SLC39A10: variants seen among roughly 807,000 people sequenced by gnomAD.
SLC39A10 encodes zinc transporter ZIP10.
SLC39A10 carries 13 observed loss-of-function variants against 65.1 expected under a neutral mutation model. The observed-to-expected ratio is 0.20, with a 90% CI of 0.13 to 0.32. The LOEUF (loss-of-function observed/expected upper bound fraction) is 0.32, where lower values mean the gene tolerates loss of function less well. SLC39A10 is among the 10% of genes least tolerant of loss of function. SLC39A10 has a pLI of 1.00. For missense variants in SLC39A10, 831 were observed against 1,018.4 expected (o/e 0.82, Z 2.50); for synonymous variants, 321 against 342.2 (o/e 0.94, Z 0.68).
chr2:195,644,894 A>ATTTATTTATTTATTTG (rs1354835646), intron 2 of SLC39A10, among the ~76,000 whole-genome samples: 1 of 148,386 alleles, frequency 6.7e-6, no homozygotes, highest in Admixed American at 6.7e-5. Context: ...TAACTACTTT[A>ATTTATTTATTTATTTG]TTTATTTATT....
intron 1 of SLC39A10, chr2:195,670,439 A>AT (rs1166895365): frequency 1.3e-5 from 2 of 151,964 alleles, no homozygotes; most frequent in African/African-American, 2.4e-5. Context: ...TCTTCTCTGT[A>AT]TTTTTTCAAT....
At chr2:195,665,897 G>T (rs532401538) in intron 1 of SLC39A10, among the ~76,000 whole-genome samples, 2 of 152,036 alleles carry the variant, frequency 1.3e-5, no homozygotes, top group African/African-American at 4.8e-5. Flanking sequence ...CAGTTTCTCC[G>T]TACAATTTTC....
intron 1 of SLC39A10, among the ~76,000 whole-genome samples, chr2:195,664,973 A>G (rs915173853): frequency 1.3e-5 from 2 of 152,096 alleles, no homozygotes; most frequent in Admixed American, 6.5e-5. Flanking sequence ...ACTTAAGGCC[A>G]AGAGTTTGAG....
chr2:195,703,469 G>C (rs191794736), intron 3 of SLC39A10, among the ~76,000 whole-genome samples: 211 of 151,900 alleles, frequency 1.4e-3, no homozygotes, highest in Admixed American at 4.3e-3. Context: ...CTAGAATTTA[G>C]GTCTTTTTTT....
chr2:195,624,939 G>C (rs908370857), intron 2 of SLC39A10, among the ~76,000 whole-genome samples: 5 of 144,928 alleles, frequency 3.4e-5, no homozygotes, highest in Admixed American at 2.8e-4. Flanking sequence ...GGGGCCGGGC[G>C]CAGTGACTCA....
rs866838837 is a variant in SLC39A10, at chr2:195,734,159, T to A, written c.2338-724T>A. On this transcript the variant is annotated intron_variant, in intron 9 of 9. Coordinates refer to ENST00000359634, the MANE Select transcript of SLC39A10 (RefSeq NM_020342.3). The stretch of plus-strand genomic sequence containing the variant: ...TCCCAAAAGAATCTTCCTTTTTTTT[T>A]AAAAAAAAAAAAAAAAAAAAAGTTT... Among the ~76,000 whole-genome samples the A allele has an allele frequency of 6.8e-3, 792 of 116,542 alleles. 5 individuals carry two copies. Among genetic ancestry groups the A allele is most frequent in the South Asian group, 0.044 (153 of 3,504 alleles). The allele number at this position is 116,542 out of a possible 152,430, so 76.5% of individuals were successfully genotyped here. A position where few individuals can be genotyped will look rare whatever the true frequency, so the allele number is the denominator to read the frequency against.
At chr2:195,620,077 C>T (rs1229135215) in intron 2 of SLC39A10, among the ~76,000 whole-genome samples, 1 of 152,140 alleles carries the variant, frequency 6.6e-6, no homozygotes, top group African/African-American at 2.4e-5. Context: ...TGCCCACCAC[C>T]ACACCCAGCT....
intron 2 of SLC39A10, among the ~76,000 whole-genome samples, chr2:195,618,249 G>T (rs967125706): frequency 6.6e-6 from 1 of 151,824 alleles, no homozygotes; most frequent in Non-Finnish European, 1.5e-5. Flanking sequence ...TACGCGGGAG[G>T]CTGAGGCAGG....
intron 1 of SLC39A10, among the ~76,000 whole-genome samples, chr2:195,665,666 G>T (rs1332543663): frequency 6.6e-6 from 1 of 151,838 alleles, no homozygotes; most frequent in Non-Finnish European, 1.5e-5. Flanking sequence ...AAGTTTCTTG[G>T]GGGGAAAAAT....
At chr2:195,647,363 G>T (rs1688943405) in intron 2 of SLC39A10, among the ~76,000 whole-genome samples, 1 of 151,716 alleles carries the variant, frequency 6.6e-6, no homozygotes, top group Non-Finnish European at 1.5e-5. Context: ...GACTCATTCA[G>T]GCTCCTTAAT....
At chr2:195,618,885 G>A (rs1015582793) in intron 2 of SLC39A10, among the ~76,000 whole-genome samples, 7 of 152,104 alleles carry the variant, frequency 4.6e-5, no homozygotes, top group Admixed American at 1.3e-4. Context: ...TTGAGGTCAG[G>A]AGTTTGGGAC....
chr2:195,693,477 A>G lies in SLC39A10; in HGVS notation c.1216+9571A>G, dbSNP rs573786890. 1.4e-4 allele frequency among the ~76,000 whole-genome samples: 21 copies of G among 151,808 alleles called. No individual in the cohort carries two copies. The South Asian group carries it at 1.7e-3, about 12-fold the overall frequency. ...GGACTTTTTTTTGTTGGCTGTTTCA[A>G]TCTCGCTGCTTGTTATTGGTGTGTT... On this transcript the variant is annotated intron_variant, in intron 3 of 9. Transcript: ENST00000359634.
chr2:195,706,970 C>G (rs1035228160), intron 4 of SLC39A10, among the ~76,000 whole-genome samples, 185 bp downstream of exon 4: 1 of 151,712 alleles, frequency 6.6e-6, no homozygotes, highest in African/African-American at 2.4e-5. Flanking sequence ...TAAATTGAAT[C>G]ATTAGGTCAA....
chr2:195,649,625 C>A (rs1688991906), intron 2 of SLC39A10, among the ~76,000 whole-genome samples: 1 of 152,184 alleles, frequency 6.6e-6, no homozygotes, highest in Non-Finnish European at 1.5e-5. Flanking sequence ...ATTGTTAATT[C>A]ATTTCCATGT....
At chr2:195,636,501 C>T (rs1451304635) in intron 2 of SLC39A10, among the ~76,000 whole-genome samples, 1 of 152,144 alleles carries the variant, frequency 6.6e-6, no homozygotes, top group Admixed American at 6.5e-5. Flanking sequence ...CCTGTAATCC[C>T]AGCACTTTGG....
intron 2 of SLC39A10, among the ~76,000 whole-genome samples, chr2:195,683,347 A>G (rs1050615429): frequency 2.6e-5 from 4 of 152,100 alleles, no homozygotes; most frequent in Non-Finnish European, 5.9e-5. Context: ...TTTCACAGAT[A>G]AGGATCTTGA....
chr2:195,687,984 C>T (rs955734305), intron 3 of SLC39A10, among the ~76,000 whole-genome samples: 6 of 152,124 alleles, frequency 3.9e-5, no homozygotes, highest in Non-Finnish European at 5.9e-5. Context: ...CACAGATGAG[C>T]GCTTCTTTTT....
In SLC39A10 at chr2:195,736,556, C is replaced by T. The variant is rs1183639427; in HGVS notation, c.*1515C>T. 1.9e-5 allele frequency: 3 copies of T among 153,930 alleles called. No individual in the cohort carries two copies. Among genetic ancestry groups the T allele is most frequent in the Non-Finnish European group, 4.4e-5 (3 of 68,032 alleles). The allele number at this position is 153,930 out of a possible 1,614,324, so 9.5% of individuals were successfully genotyped here. A position where few individuals can be genotyped will look rare whatever the true frequency, so the allele number is the denominator to read the frequency against. ...TTTTCATTTAGTACTCTTCTTTCCTCCTACTCTATGAACTTCAAAACAAAA... is the reference window on the plus strand; with the variant it reads ...TTTTCATTTAGTACTCTTCTTTCCTTCTACTCTATGAACTTCAAAACAAAA... On this transcript the variant is annotated 3_prime_UTR_variant, in exon 10 of 10. Coordinates refer to ENST00000359634, the MANE Select transcript of SLC39A10 (RefSeq NM_020342.3).
chr2:195,692,566 TG>T, intron 3 of SLC39A10, among the ~76,000 whole-genome samples: 1 of 152,312 alleles, frequency 6.6e-6, no homozygotes, highest in African/African-American at 2.4e-5. Flanking sequence ...TTAACCTACT[TG>T]GTTTGGTATA....
Sources: allele counts gnomAD v4.1 joint callset (sites outside exome capture counted in the v4.1 genomes callset), GRCh38; gene constraint gnomAD v4.1.1; transcripts MANE v1.5; gene names NCBI Gene and HGNC (gene_info 2026-07-23, HGNC 2026-07-21).